Variants in TRAF1 observed in about 807,000 individuals in gnomAD.
TRAF1 encodes TNF receptor associated factor 1.
Under a neutral mutation model 40.9 loss-of-function variants are expected in TRAF1, and 23 were observed. The observed-to-expected ratio is 0.56, with a 90% CI of 0.40 to 0.80. TRAF1 has a LOEUF of 0.80. Among genes scored for constraint, TRAF1 ranks in the 30% least tolerant of loss-of-function variants. TRAF1 has a pLI of 0.00. For synonymous variants in TRAF1, 206 were observed against 218.8 expected (o/e 0.94, Z 0.52); for missense variants, 477 against 528.7 (o/e 0.90, Z 0.96).
Position 120,923,706 on chromosome 9 carries a change from T to C in TRAF1, c.227A>G (p.Lys76Arg). 6.2e-7 allele frequency: 1 copy of C among 1,614,134 alleles called. No homozygotes were observed. The highest frequency in any genetic ancestry group is 8.5e-7 in the Non-Finnish European group (1 of 1,179,980). Residue 76 changes from lysine to arginine, a missense_variant and splice_region_variant, in exon 3 of 8, where the codon AAG (lysine) becomes AGG (arginine). Lys to Arg is a conservative substitution (Grantham distance 26). Transcript: ENST00000373887. ...CCTTTCTGTGATGTGCCAACGTACC[T>C]TCTCCTGAGTTCGAAGACGGCTTCC... is the stretch of plus-strand genomic sequence containing the variant. ...SPGSRLRTQE[K>R]AHPEVAEAGI...
At chr9:120,925,378 C>G (rs990913893) in intron 2 of TRAF1, among the ~76,000 whole-genome samples, 1 of 152,168 alleles carries the variant, frequency 6.6e-6, no homozygotes, top group African/African-American at 2.4e-5. Flanking sequence ...TGATATCATG[C>G]CTTTCTGGGT....
At chr9:120,908,826 T>C (rs1400695032) in intron 7 of TRAF1, among the ~76,000 whole-genome samples, 1 of 152,112 alleles carries the variant, frequency 6.6e-6, no homozygotes, top group African/African-American at 2.4e-5. Flanking sequence ...TCCCAAATTG[T>C]TGAGATTACA....
At position 120,912,530 on chromosome 9, in the gene TRAF1, G is replaced by A. The variant is rs148143374; in HGVS notation, c.705+798C>T. The stretch of plus-strand genomic sequence containing the variant: ...AATTTAGCTGGGTGTGGTGGCACAC[G>A]CCTGTAATCCCAGCTACTCAGGAAG... On this transcript the variant is annotated intron_variant, in intron 5 of 7. Coordinates refer to ENST00000373887, the MANE Select transcript of TRAF1 (RefSeq NM_005658.5). Among the ~76,000 whole-genome samples, 284 of 152,168 alleles carry A rather than the reference G, an allele frequency of 1.9e-3. 1 individual carries two copies. Among genetic ancestry groups the A allele is most frequent in the African/African-American group, 6.5e-3 (269 of 41,520 alleles).
At chr9:120,917,163 C>T (rs1441039620) in intron 3 of TRAF1, among the ~76,000 whole-genome samples, 2 of 152,198 alleles carry the variant, frequency 1.3e-5, no homozygotes, top group African/African-American at 4.8e-5. Flanking sequence ...GATGTAGGGA[C>T]ATCCTTCTGT....
At chr9:120,906,192 T>TTG in intron 7 of TRAF1, among the ~76,000 whole-genome samples, 1 of 150,632 alleles carries the variant, frequency 6.6e-6, no homozygotes, top group Middle Eastern at 3.4e-3. Context: ...TTTTTTTTTT[T>TTG]TTTTGAGACA....
chr9:120,911,638 G>A lies in TRAF1; in HGVS notation c.706-125C>T, dbSNP rs10985088. 0.017 allele frequency: 19,135 copies of A among 1,118,788 alleles called. 1,224 individuals are homozygous for A. In the African/African-American group the frequency reaches 0.19, roughly 11 times the overall value. The allele number at this position is 1,118,788 out of a possible 1,614,324, so 69.3% of individuals were successfully genotyped here. On this transcript the variant is annotated intron_variant, in intron 5 of 7. Transcript: ENST00000373887. Reference sequence around the variant, plus strand: ...CTGACCACGCCTCACTCAGGTGTGCGTCTGCATCTGAATGTGCTGCCCCCT... The same window carrying A: ...CTGACCACGCCTCACTCAGGTGTGCATCTGCATCTGAATGTGCTGCCCCCT...
chr9:120,923,850 C>CTA (rs2046620917), intron 2 of TRAF1, 58 bp from the exon 3 acceptor site: 1 of 1,477,302 alleles, frequency 6.8e-7, no homozygotes, highest in Non-Finnish European at 9.5e-7. Flanking sequence ...GCACCATCCA[C>CTA]TCTCCTGACA....
chr9:120,927,642 G>A (rs1323972916), upstream of TRAF1: 3 of 152,036 alleles, frequency 2.0e-5, no homozygotes, highest in Non-Finnish European at 4.4e-5. Context: ...AGCCTCAACA[G>A]GTGGGCAGGG....
chr9:120,923,611 C>T (rs926347707), intron 3 of TRAF1, 94 bp downstream of exon 3: 3 of 1,176,942 alleles, frequency 2.5e-6, no homozygotes, highest in East Asian at 2.4e-5. Flanking sequence ...TTGGGAGGTG[C>T]CTGCCAGGGG....
At chr9:120,911,841 G>A (rs561834436) in intron 5 of TRAF1, among the ~76,000 whole-genome samples, 69 of 152,240 alleles carry the variant, frequency 4.5e-4, no homozygotes, top group South Asian at 1.5e-3. Flanking sequence ...CTCCTCCACC[G>A]AAAGCTGGGC....
At chr9:120,919,851 GGGAGGATTCCTTGTGT>G (rs1393348719) in intron 3 of TRAF1, among the ~76,000 whole-genome samples, 5 of 152,196 alleles carry the variant, frequency 3.3e-5, no homozygotes, top group Non-Finnish European at 5.9e-5. Context: ...AAACATTTAG[GGGAGGATTCCTTGTGT>G]AGAGGCAGCA....
chr9:120,907,869 TTCC>T (rs1241143524), intron 7 of TRAF1, among the ~76,000 whole-genome samples: 1 of 151,828 alleles, frequency 6.6e-6, no homozygotes, highest in African/African-American at 2.4e-5. Flanking sequence ...CTTCCTTCCG[TTCC>T]TCCATTTCTT....
intron 3 of TRAF1, among the ~76,000 whole-genome samples, chr9:120,921,921 C>T (rs1215368549): frequency 2.0e-5 from 3 of 152,204 alleles, no homozygotes; most frequent in African/African-American, 7.2e-5. Context: ...CTATCACGGT[C>T]TGGACATCAC....
intron 3 of TRAF1, among the ~76,000 whole-genome samples, chr9:120,917,893 G>A (rs1401363182): frequency 6.6e-6 from 1 of 152,144 alleles, no homozygotes; most frequent in Non-Finnish European, 1.5e-5. Flanking sequence ...ACCCAAATCA[G>A]ATGTTGAAGT....
chr9:120,915,049 G>A (rs1156636602), intron 3 of TRAF1, among the ~76,000 whole-genome samples: 2 of 152,134 alleles, frequency 1.3e-5, no homozygotes, highest in Non-Finnish European at 2.9e-5. Context: ...CAAGGAGGCC[G>A]AGCTGGGAGG....
At chr9:120,921,147 C>T (rs1386169313) in intron 3 of TRAF1, among the ~76,000 whole-genome samples, 1 of 152,142 alleles carries the variant, frequency 6.6e-6, no homozygotes, top group African/African-American at 2.4e-5. Flanking sequence ...GGCTTCTTTG[C>T]TCCCAAATAC....
intron 3 of TRAF1, among the ~76,000 whole-genome samples, chr9:120,918,842 C>T (rs2046586011): frequency 6.6e-6 from 1 of 152,196 alleles, no homozygotes; most frequent in Non-Finnish European, 1.5e-5. Flanking sequence ...CCTGCATGGG[C>T]TTGCTGCTCT....
chr9:120,924,536 T>C (rs2046626094), intron 2 of TRAF1, among the ~76,000 whole-genome samples: 1 of 152,166 alleles, frequency 6.6e-6, no homozygotes. Context: ...TGCCTTAGCC[T>C]CCCAAGTAGC....
At position 120,913,687 on chromosome 9, in the gene TRAF1, G is replaced by T. The variant is rs759640246; in HGVS notation, c.346C>A (p.Leu116Ile). ...TTCATGAACCCCAACAGCAGGTTTA[G>T]GTGGGAGGTCTGGGAGGTGACCTCA... is the stretch of plus-strand genomic sequence containing the variant. The part of the protein sequence containing the change: ...EHEVTSQTSH[L>I]NLLLGFMKQW... The change falls in exon 5 of 8, where the codon CTA (leucine) becomes ATA (isoleucine). Residue 116 changes from leucine (L) to isoleucine (I), a missense_variant. By Grantham distance (5) the Leu-to-Ile change is conservative. Transcript: ENST00000373887. The T allele has an allele frequency of 1.2e-6, 2 of 1,609,846 alleles. No individual in the cohort carries two copies. Among genetic ancestry groups the T allele is most frequent in the East Asian group, 4.5e-5 (2 of 44,784 alleles).
Sources: allele counts gnomAD v4.1 joint callset (sites outside exome capture counted in the v4.1 genomes callset), GRCh38; gene constraint gnomAD v4.1.1; transcripts MANE v1.5; gene names NCBI Gene and HGNC (gene_info 2026-07-23, HGNC 2026-07-21).